Variants in GNA12 observed in about 807,000 individuals in gnomAD.
The protein encoded by GNA12 is guanine nucleotide-binding protein subunit alpha-12.
Under a neutral mutation model 26.0 loss-of-function variants are expected in GNA12, and 9 were observed. The observed-to-expected ratio is 0.35, with a 90% confidence interval of 0.21 to 0.60. GNA12 has a LOEUF of 0.60. Among genes scored for constraint, GNA12 ranks in the 20% least tolerant of loss-of-function variants. GNA12 has a pLI of 0.78. For missense variants in GNA12, 405 were observed against 525.8 expected (o/e 0.77, Z 2.25); for synonymous variants, 264 against 219.6 (o/e 1.20, Z -1.79).
Position 2,789,132 on chromosome 7 carries a change from C to CTTTTT in GNA12, c.525+5791_525+5795dup, listed in dbSNP as rs71026556. Among the ~76,000 whole-genome samples, 59 of 72,832 alleles carry CTTTTT rather than the reference C, an allele frequency of 8.1e-4. 6 individuals carry two copies. The highest frequency in any genetic ancestry group is 2.6e-3 in the African/African-American group (52 of 20,076). 47.8% of individuals were successfully genotyped at this position (72,832 alleles called of 152,430 possible). A position where few individuals can be genotyped will look rare whatever the true frequency, so the allele number is the denominator to read the frequency against. ...ACCGTGCCCGGACCCCTTCAGGCAT[C>CTTTTT]TTTTTTTTTTTTTTTTTTTTTGAGA... On this transcript the variant is annotated intron_variant, in intron 2 of 3. Transcript: ENST00000275364.
At position 2,729,710 on chromosome 7, in the gene GNA12, A is replaced by G. The variant is rs1303025796; in HGVS notation, c.*1471T>C. ...GGGCCCTGGGATATGTGACTGAGCCACAGCAACATTCGGGTGCCAATTAAG... is the reference window on the plus strand; with the variant it reads ...GGGCCCTGGGATATGTGACTGAGCCGCAGCAACATTCGGGTGCCAATTAAG... On this transcript the variant is annotated 3_prime_UTR_variant, in exon 4 of 4. Coordinates refer to ENST00000275364, the MANE Select transcript of GNA12 (RefSeq NM_007353.3). 2 of 152,424 alleles carry G rather than the reference A, an allele frequency of 1.3e-5. No individual in the cohort carries two copies. Among genetic ancestry groups the G allele is most frequent in the Admixed American group, 1.3e-4 (2 of 15,286 alleles). 9.4% of individuals were successfully genotyped at this position (152,424 alleles called of 1,614,324 possible). A position where few individuals can be genotyped will look rare whatever the true frequency, so the allele number is the denominator to read the frequency against.
intron 1 of GNA12, among the ~76,000 whole-genome samples, chr7:2,839,856 G>A (rs894262206): frequency 5.3e-5 from 8 of 152,264 alleles, no homozygotes; most frequent in African/African-American, 1.9e-4. Context: ...AAAATTAGCT[G>A]GACGTGGTGG....
chr7:2,833,819 T>C lies in GNA12; in HGVS notation c.309+10034A>G, dbSNP rs140460241. ...CGCAGCATCAAGCCTAAAGAGGCAC[T>C]TCTGAACTCCCAAGACAGAGACTCT... On this transcript the variant is annotated intron_variant, in intron 1 of 3. Transcript: ENST00000275364. Among the ~76,000 whole-genome samples, 743 of 152,258 alleles carry C rather than the reference T, an allele frequency of 4.9e-3. 8 individuals carry two copies. The highest frequency in any genetic ancestry group is 0.017 in the African/African-American group (689 of 41,542).
rs532673720 is a variant in GNA12, at chr7:2,797,417, T to C, written c.310-2274A>G. On this transcript the variant is annotated intron_variant, in intron 1 of 3. Coordinates refer to ENST00000275364, the MANE Select transcript of GNA12 (RefSeq NM_007353.3). ...CCTTAGCCTTCCAAAGCACTAGGAATTACAGGTGTGAGCCACTGCATCCGG... is the reference window on the plus strand; with the variant it reads ...CCTTAGCCTTCCAAAGCACTAGGAACTACAGGTGTGAGCCACTGCATCCGG... Among the ~76,000 whole-genome samples the C allele has an allele frequency of 3.3e-5, 5 of 152,226 alleles. No individual in the cohort carries two copies. In the South Asian group the frequency reaches 8.3e-4, roughly 25 times the overall value.
chr7:2,769,057 C>T (rs1261553261), intron 2 of GNA12, among the ~76,000 whole-genome samples: 2 of 152,292 alleles, frequency 1.3e-5, no homozygotes, highest in East Asian at 3.9e-4. Flanking sequence ...GTGTGCACCA[C>T]CACACCCAGC....
chr7:2,752,695 G>A (rs1014116723), intron 2 of GNA12, among the ~76,000 whole-genome samples: 4 of 152,132 alleles, frequency 2.6e-5, no homozygotes, highest in Non-Finnish European at 5.9e-5. Context: ...AAGCAATTCC[G>A]TTTTTAATAG....
At chr7:2,790,857 C>T (rs776612049) in intron 2 of GNA12, among the ~76,000 whole-genome samples, 11 of 151,930 alleles carry the variant, frequency 7.2e-5, no homozygotes, top group Admixed American at 3.3e-4. Context: ...GCCTGTGATC[C>T]CAACTACTCA....
chr7:2,815,129 C>T (rs1793187235), intron 1 of GNA12: 2 of 800,768 alleles, frequency 2.5e-6, no homozygotes, highest in Admixed American at 3.0e-5. Context: ...CTTCCAAGCT[C>T]ACTGGAGAAG....
chr7:2,826,926 A>G (rs1793497558), intron 1 of GNA12, among the ~76,000 whole-genome samples: 1 of 152,322 alleles, frequency 6.6e-6, no homozygotes, highest in Non-Finnish European at 1.5e-5. Flanking sequence ...AATGCAAACT[A>G]TGGACTTCAG....
intron 2 of GNA12, among the ~76,000 whole-genome samples, chr7:2,788,891 G>A (rs1792433851): frequency 6.6e-6 from 1 of 152,020 alleles, no homozygotes; most frequent in South Asian, 2.1e-4. Context: ...CGTGATCTCT[G>A]CTCACTGCAA....
At chr7:2,843,578 T>A (rs938527151) in intron 1 of GNA12, among the ~76,000 whole-genome samples, 1 of 150,524 alleles carries the variant, frequency 6.6e-6, no homozygotes, top group Admixed American at 6.6e-5. Flanking sequence ...GCCTGGGAGG[T>A]CGAGGCTGCA....
intron 2 of GNA12, among the ~76,000 whole-genome samples, chr7:2,782,043 A>C (rs10251652): frequency 0.13 from 19,646 of 152,250 alleles, 1,366 homozygotes; most frequent in Middle Eastern, 0.19. Flanking sequence ...CAAGAATGCC[A>C]TTAAATGGGG....
rs1042108062 is a variant in GNA12, at chr7:2,729,580, T to C, written c.*1601A>G. 14 of 152,484 alleles carry C rather than the reference T, an allele frequency of 9.2e-5. No individual in the cohort carries two copies. The highest frequency in any genetic ancestry group is 3.4e-4 in the African/African-American group (14 of 41,576). 9.4% of individuals were successfully genotyped at this position (152,484 alleles called of 1,614,324 possible). A position where few individuals can be genotyped will look rare whatever the true frequency, so the allele number is the denominator to read the frequency against. ...GGCAGGTTTCCCCTCCCTCTTCTGC[T>C]TCTGCATCTGCCCCAAGGGCTTGCG... is the stretch of plus-strand genomic sequence containing the variant. On this transcript the variant is annotated 3_prime_UTR_variant, in exon 4 of 4. Coordinates refer to ENST00000275364, the MANE Select transcript of GNA12 (RefSeq NM_007353.3).
At position 2,743,460 on chromosome 7, in the gene GNA12, G is replaced by A. The variant is rs545759583; in HGVS notation, c.526-9959C>T. ...AATATCCCAGATACTGGGATGGCTT[G>A]ACACAGACTTTAAAGCAGCTATTAT... is the stretch of plus-strand genomic sequence containing the variant. On this transcript the variant is annotated intron_variant, in intron 2 of 3. Coordinates refer to ENST00000275364, the MANE Select transcript of GNA12 (RefSeq NM_007353.3). Among the ~76,000 whole-genome samples the A allele has an allele frequency of 2.6e-5, 4 of 152,318 alleles. 1 individual carries two copies. The highest frequency in any genetic ancestry group is 9.6e-5 in the African/African-American group (4 of 41,562).
At chr7:2,829,735 C>T (rs534250428) in intron 1 of GNA12, among the ~76,000 whole-genome samples, 17 of 152,262 alleles carry the variant, frequency 1.1e-4, no homozygotes, top group African/African-American at 3.9e-4. Flanking sequence ...TCTTTAGGGA[C>T]GGTGTTTCGG....
At chr7:2,791,670 C>T (rs1583285462) in intron 2 of GNA12, among the ~76,000 whole-genome samples, 1 of 152,008 alleles carries the variant, frequency 6.6e-6, no homozygotes, top group Non-Finnish European at 1.5e-5. Flanking sequence ...GAAGCATTGC[C>T]CTAGAAAAGC....
intron 2 of GNA12, among the ~76,000 whole-genome samples, chr7:2,780,909 T>A (rs1792210792): frequency 6.6e-6 from 1 of 152,222 alleles, no homozygotes; most frequent in African/African-American, 2.4e-5. Context: ...TATCTTAACT[T>A]TAGTAAATCA....
chr7:2,771,489 G>C (rs533554964), intron 2 of GNA12, among the ~76,000 whole-genome samples: 1 of 152,234 alleles, frequency 6.6e-6, no homozygotes, highest in African/African-American at 2.4e-5. Flanking sequence ...GCAACCCGTG[G>C]TCGGCATCTA....
At chr7:2,836,842 T>C (rs1778850668) in intron 1 of GNA12, among the ~76,000 whole-genome samples, 1 of 152,122 alleles carries the variant, frequency 6.6e-6, no homozygotes, top group Non-Finnish European at 1.5e-5. Context: ...GAGAATCGCT[T>C]GAACCTGGGT....
Sources: gnomAD v4.1 joint callset for allele counts (sites outside exome capture counted in the v4.1 genomes callset) on GRCh38, gnomAD v4.1.1 for gene constraint, MANE v1.5 for transcripts, NCBI Gene and HGNC (gene_info 2026-07-23, HGNC 2026-07-21) for gene names.